Variants in TENM3 observed in about 807,000 individuals in gnomAD.
TENM3 encodes the protein teneurin-3.
A neutral mutation model predicts 255.1 loss-of-function variants in TENM3; 63 were observed. That is an observed-to-expected ratio of 0.25 (90% CI 0.20 to 0.30). TENM3 has a LOEUF of 0.30. Ranked by LOEUF, TENM3 falls within the 10% of genes least tolerant of loss-of-function variation. The pLI, the probability that TENM3 is intolerant of heterozygous loss-of-function variation, is 1.00. For missense variants in TENM3, 2,929 were observed against 3,461.1 expected (o/e 0.85, Z 3.86); for synonymous variants, 1,306 against 1,322.3 (o/e 0.99, Z 0.27).
chr4:182,688,030 A>G (rs550130429), intron 11 of TENM3, 136 bp from the exon 12 acceptor site: 1 of 796,978 alleles, frequency 1.3e-6, no homozygotes, highest in African/African-American at 1.8e-5. Context: ...TAGCATACAA[A>G]TACTTTTGAT....
intron 3 of TENM3, among the ~76,000 whole-genome samples, chr4:182,562,031 G>GATAGATAC (rs904553065): frequency 6.7e-6 from 1 of 148,158 alleles, no homozygotes; most frequent in Non-Finnish European, 1.5e-5. Context: ...TAGATAGATA[G>GATAGATAC]ATACACACCC....
At chr4:182,283,602 C>T (rs1399853476) in intron 1 of TENM3, among the ~76,000 whole-genome samples, 1 of 152,196 alleles carries the variant, frequency 6.6e-6, no homozygotes, top group Non-Finnish European at 1.5e-5. Flanking sequence ...AGAGTTTCCT[C>T]CTCAGTCCAG....
the TENM3 span, among the ~76,000 whole-genome samples, chr4:181,916,747 C>T: frequency 2.2e-4 from 34 of 151,906 alleles, no homozygotes; most frequent in African/African-American, 3.6e-4. Context: ...CATGGTGGCG[C>T]GTGCTCGTAA....
At chr4:181,975,972 G>C in the TENM3 span, 1 of 152,294 alleles carries the variant, frequency 6.6e-6, no homozygotes, top group South Asian at 2.1e-4. Flanking sequence ...CTTCTAGTAG[G>C]CTCAGGCATT....
At chr4:181,518,300 GT>G in the TENM3 span, among the ~76,000 whole-genome samples, 87 of 146,470 alleles carry the variant, frequency 5.9e-4, no homozygotes, top group Middle Eastern at 3.5e-3. Flanking sequence ...AGCATGTGGG[GT>G]TTTTTTTTTT....
chr4:182,773,103 T>C (rs1196942413), intron 22 of TENM3, among the ~76,000 whole-genome samples: 1 of 152,196 alleles, frequency 6.6e-6, no homozygotes, highest in African/African-American at 2.4e-5. Flanking sequence ...TAAGAACTGA[T>C]GTAACAGTGA....
chr4:181,964,190 A>G, the TENM3 span, among the ~76,000 whole-genome samples: 1 of 151,900 alleles, frequency 6.6e-6, no homozygotes, highest in African/African-American at 2.4e-5. Context: ...AATTAGAAGT[A>G]TCTCTTGCCT....
At chr4:182,257,706 T>G (rs190020087) in intron 1 of TENM3, among the ~76,000 whole-genome samples, 3 of 152,170 alleles carry the variant, frequency 2.0e-5, no homozygotes, top group African/African-American at 7.2e-5. Flanking sequence ...GGGGGTGTTA[T>G]GTAAGAGCAG....
intron 3 of TENM3, among the ~76,000 whole-genome samples, chr4:182,467,000 G>A (rs1405728114): frequency 1.3e-5 from 2 of 151,936 alleles, no homozygotes; most frequent in Non-Finnish European, 2.9e-5. Context: ...TCACATTATG[G>A]GAAGTGCTAG....
At chr4:182,573,906 T>C (rs537957571) in intron 3 of TENM3, among the ~76,000 whole-genome samples, 1 of 152,270 alleles carries the variant, frequency 6.6e-6, no homozygotes, top group South Asian at 2.1e-4. Context: ...TATTTACTAC[T>C]TTTTAGAGCA....
At chr4:182,016,599 C>T in the TENM3 span, among the ~76,000 whole-genome samples, 73 of 152,136 alleles carry the variant, frequency 4.8e-4, no homozygotes, top group Non-Finnish European at 9.4e-4. Flanking sequence ...ATCCACCAGC[C>T]AAGTTTATGT....
the TENM3 span, among the ~76,000 whole-genome samples, chr4:182,066,100 T>C: frequency 1.3e-5 from 2 of 152,214 alleles, no homozygotes; most frequent in Admixed American, 6.5e-5. Flanking sequence ...CAACTAGTTT[T>C]ACGTTCCCAC....
chr4:181,898,084 T>C, the TENM3 span, among the ~76,000 whole-genome samples: 1 of 152,238 alleles, frequency 6.6e-6, no homozygotes, highest in Non-Finnish European at 1.5e-5. Flanking sequence ...TCCTCTGCTG[T>C]AGGCTGATAA....
At chr4:182,773,282 A>C (rs112226163) in intron 22 of TENM3, among the ~76,000 whole-genome samples, 190 bp from the exon 23 acceptor site, 1 of 152,200 alleles carries the variant, frequency 6.6e-6, no homozygotes, top group Admixed American at 6.5e-5. Context: ...CTCACCGGTG[A>C]GGTTTTTCTA....
At chr4:181,642,860 C>T in the TENM3 span, among the ~76,000 whole-genome samples, 1 of 152,090 alleles carries the variant, frequency 6.6e-6, no homozygotes, top group East Asian at 1.9e-4. Flanking sequence ...TTCCATTGGT[C>T]TATATCTCTG....
At chr4:182,640,987 AG>A (rs1233645217) in intron 5 of TENM3, among the ~76,000 whole-genome samples, 2 of 152,212 alleles carry the variant, frequency 1.3e-5, no homozygotes, top group Non-Finnish European at 2.9e-5. Flanking sequence ...AGGCACCCAG[AG>A]GCCGTAGTGG....
chr4:182,710,185 A>T (rs926924593), intron 12 of TENM3, among the ~76,000 whole-genome samples: 17 of 152,210 alleles, frequency 1.1e-4, no homozygotes, highest in African/African-American at 4.1e-4. Flanking sequence ...ATTTTTGTAA[A>T]CTAAGAATTT....
At chr4:181,962,445 G>A in the TENM3 span, among the ~76,000 whole-genome samples, 955 of 152,310 alleles carry the variant, frequency 6.3e-3, 6 homozygotes, top group Admixed American at 0.013. Flanking sequence ...GGTGGTAGCA[G>A]TTTTGGTATT....
intron 13 of TENM3, among the ~76,000 whole-genome samples, chr4:182,721,905 C>A: frequency 6.6e-6 from 1 of 151,650 alleles, no homozygotes; most frequent in Non-Finnish European, 1.5e-5. Context: ...TTCTATTGAG[C>A]TGCTTGATAC....
Sources: gnomAD v4.1 joint callset for allele counts (sites outside exome capture counted in the v4.1 genomes callset) on GRCh38, gnomAD v4.1.1 for gene constraint, MANE v1.5 for transcripts, NCBI Gene and HGNC (gene_info 2026-07-23, HGNC 2026-07-21) for gene names.